Variants in CSPP1 observed in about 807,000 individuals in gnomAD.
The protein encoded by CSPP1 is centrosome and spindle pole-associated protein 1.
In CSPP1, 126 loss-of-function variants were observed where a neutral mutation model predicts 164.4. The ratio of observed to expected loss-of-function variants is 0.77; its 90% confidence interval spans 0.66 to 0.89. The LOEUF is 0.89. Among genes scored for constraint, CSPP1 ranks in the 40% least tolerant of loss-of-function variants. The pLI is 0.00. For missense variants in CSPP1, 1,395 were observed against 1,449.8 expected, an observed-to-expected ratio of 0.96 and a Z score of 0.61; for synonymous variants, 472 against 476.7, an observed-to-expected ratio of 0.99 and a Z score of 0.13.
At chr8:67,122,962 C>G (rs890221650) in intron 15 of CSPP1, 4 of 152,566 alleles carry the variant, frequency 2.6e-5, no homozygotes, top group Non-Finnish European at 5.8e-5. Context: ...AGTTGTGAGA[C>G]CATAGTTTGC....
At chr8:67,100,912 AG>A (rs1813946732) in intron 7 of CSPP1, among the ~76,000 whole-genome samples, 1 of 152,058 alleles carries the variant, frequency 6.6e-6, no homozygotes, top group African/African-American at 2.4e-5. Context: ...GAAAACCTCT[AG>A]GTTGGGTGAT....
intron 15 of CSPP1, among the ~76,000 whole-genome samples, chr8:67,124,273 G>GT (rs981515635): frequency 1.3e-5 from 2 of 151,822 alleles, no homozygotes; most frequent in African/African-American, 2.4e-5. Context: ...ATAATTTTGA[G>GT]TTTTTTTGTG....
In CSPP1 at chr8:67,195,592, A is replaced by ACTGG; in HGVS notation, c.3680_3681insCTGG (p.Ter1227TyrfsTer4). The ACTGG allele has an allele frequency of 6.2e-7, 1 of 1,613,686 alleles. No homozygotes were observed. The highest frequency in any genetic ancestry group is 8.5e-7 in the Non-Finnish European group (1 of 1,179,658). On this transcript the variant is annotated frameshift_variant and stop_lost, in exon 31 of 31. Transcript: ENST00000678616. LOFTEE classifies it high-confidence loss of function. Reference sequence around the variant, plus strand: ...CAGGGCCTGTCGACTGCACATGGTTAAAATAAACCTGTACTGGACCCAGTA... The same window carrying ACTGG: ...CAGGGCCTGTCGACTGCACATGGTTACTGGAAATAAACCTGTACTGGACCCAGTA...
chr8:67,111,097 C>A (rs1028006494), intron 9 of CSPP1, among the ~76,000 whole-genome samples: 1 of 152,126 alleles, frequency 6.6e-6, no homozygotes, highest in African/African-American at 2.4e-5. Context: ...ATAATGAAGG[C>A]AGTACAGAAA....
intron 24 of CSPP1, among the ~76,000 whole-genome samples, chr8:67,169,143 C>G (rs1012155159): frequency 5.9e-5 from 9 of 152,122 alleles, no homozygotes; most frequent in Non-Finnish European, 1.3e-4. Context: ...TCATAATGAC[C>G]ATAGCTTAGA....
At chr8:67,104,954 A>G in intron 8 of CSPP1, among the ~76,000 whole-genome samples, 1 of 101,274 alleles carries the variant, frequency 9.9e-6, no homozygotes, top group Non-Finnish European at 1.8e-5. Context: ...ATGCACATAT[A>G]TATATATATA....
rs150286037 is a variant in CSPP1 at position 67,104,516 on chromosome 8, A to C, written c.1022+1381A>C. Among the ~76,000 whole-genome samples the C allele has an allele frequency of 2.7e-4, 41 of 152,166 alleles. 1 individual carries two copies. The South Asian group carries it at 7.9e-3, about 29-fold the overall frequency. On this transcript the variant is annotated intron_variant, in intron 8 of 30. Coordinates refer to ENST00000678616, the MANE Select transcript of CSPP1 (RefSeq NM_001382391.1). ...CCAAACTCATGGTGGGATTACAGGC[A>C]TGAGCCATTGCGCATGGCCAGGAAG...
At chr8:67,085,486 GT>G (rs1810200779) in intron 3 of CSPP1, among the ~76,000 whole-genome samples, 1 of 151,802 alleles carries the variant, frequency 6.6e-6, no homozygotes, top group Non-Finnish European at 1.5e-5. Context: ...CATGTTATTA[GT>G]TTTCCTAGAC....
intron 17 of CSPP1, among the ~76,000 whole-genome samples, chr8:67,144,800 G>C (rs548032482): frequency 6.6e-6 from 1 of 152,106 alleles, no homozygotes; most frequent in African/African-American, 2.4e-5. Context: ...TGGGTGTGGC[G>C]GCTCACGCCT....
At chr8:67,097,691 TG>T (rs1305258383) in intron 7 of CSPP1, among the ~76,000 whole-genome samples, 45 of 152,068 alleles carry the variant, frequency 3.0e-4, no homozygotes, top group Non-Finnish European at 5.0e-4. Context: ...GTTGCTTCTT[TG>T]TTTTTTTTTA....
At chr8:67,100,106 T>C (rs1458662187) in intron 7 of CSPP1, among the ~76,000 whole-genome samples, 1 of 152,184 alleles carries the variant, frequency 6.6e-6, no homozygotes, top group Non-Finnish European at 1.5e-5. Context: ...CTTGATCTTA[T>C]AATTATTGGT....
At chr8:67,162,856 G>C (rs773039176) in intron 22 of CSPP1, among the ~76,000 whole-genome samples, 1 of 152,156 alleles carries the variant, frequency 6.6e-6, no homozygotes, top group African/African-American at 2.4e-5. Context: ...CAAGTTTTTG[G>C]TGAGGGTTAC....
At chr8:67,102,996 CT>C (rs757940717) in intron 7 of CSPP1, 40 bp from the exon 8 acceptor site, 1 of 1,178,472 alleles carries the variant, frequency 8.5e-7, no homozygotes. Flanking sequence ...AGAAGGTCCA[CT>C]GTATGTGGCA....
intron 16 of CSPP1, 140 bp downstream of exon 16, chr8:67,132,220 T>A: frequency 1.2e-6 from 1 of 844,758 alleles, no homozygotes; most frequent in African/African-American, 1.7e-5. Flanking sequence ...GTGGATACAG[T>A]AAAACGCTGT....
intron 28 of CSPP1, among the ~76,000 whole-genome samples, chr8:67,186,973 CTAT>C (rs1171899113): frequency 1.4e-5 from 1 of 70,882 alleles, no homozygotes; most frequent in Non-Finnish European, 3.2e-5. Context: ...TATCTATCAT[CTAT>C]CTATCTATCT....
At chr8:67,116,335 G>T (rs1340577932) in intron 13 of CSPP1, among the ~76,000 whole-genome samples, 1 of 152,032 alleles carries the variant, frequency 6.6e-6, no homozygotes, top group Non-Finnish European at 1.5e-5. Flanking sequence ...AGATGATTTT[G>T]TATCTTTAGA....
chr8:67,134,991 G>A (rs1450169104), intron 16 of CSPP1: 2 of 152,170 alleles, frequency 1.3e-5, no homozygotes, highest in Non-Finnish European at 2.9e-5. Flanking sequence ...CTTGAAACCA[G>A]ACATTGACTT....
chr8:67,172,454 C>G lies in CSPP1; in HGVS notation c.2867C>G (p.Ala956Gly). ...ERNPMDIFDM[A>G]RHRLQAPVRR... ...AATCCCATGGATATATTTGATATGGCTAGACATCGGTTGCAAGCTCCTGTC... is the reference window on the plus strand; with the variant it reads ...AATCCCATGGATATATTTGATATGGGTAGACATCGGTTGCAAGCTCCTGTC... Residue 956 changes from alanine (A) to glycine (G), a missense_variant, in exon 25 of 31, where the codon GCT becomes GGT. Transcript: ENST00000678616. The G allele has an allele frequency of 6.2e-7, 1 of 1,612,844 alleles. No homozygotes were observed. The highest frequency in any genetic ancestry group is 2.2e-5 in the East Asian group (1 of 44,870).
At chr8:67,095,878 G>T (rs977385270) in intron 7 of CSPP1, 146 bp downstream of exon 7, 1 of 593,726 alleles carries the variant, frequency 1.7e-6, no homozygotes, top group Admixed American at 3.4e-5. Flanking sequence ...GTTTTAAGAT[G>T]CATCATTATT....
Sources: allele counts gnomAD v4.1 joint callset (sites outside exome capture counted in the v4.1 genomes callset), GRCh38; gene constraint gnomAD v4.1.1; transcripts MANE v1.5; gene names NCBI Gene and HGNC (gene_info 2026-07-23, HGNC 2026-07-21).